Variants in STK33 observed in about 807,000 individuals in gnomAD.
STK33 encodes serine/threonine kinase 33.
In STK33, 52 loss-of-function variants were observed where a neutral mutation model predicts 58.0. The ratio of observed to expected loss-of-function variants is 0.90; its 90% confidence interval spans 0.72 to 1.13. STK33 has a LOEUF of 1.13. Ranked by LOEUF, STK33 falls within the 50% of genes most tolerant of loss-of-function variation. The pLI is 0.00. For synonymous variants in STK33, 215 were observed against 200.1 expected, an observed-to-expected ratio of 1.07 and a Z score of -0.63; for missense variants, 630 against 604.2, an observed-to-expected ratio of 1.04 and a Z score of -0.45.
chr11:8,516,552 T>C (rs1249435632), intron 1 of STK33, among the ~76,000 whole-genome samples: 1 of 152,150 alleles, frequency 6.6e-6, no homozygotes, highest in African/African-American at 2.4e-5. Context: ...ACCCGGGAAG[T>C]GCAAGGGGCG....
chr11:8,408,543 G>A (rs1215742496), intron 15 of STK33, among the ~76,000 whole-genome samples: 2 of 152,128 alleles, frequency 1.3e-5, no homozygotes, highest in Non-Finnish European at 2.9e-5. Flanking sequence ...CCAGCAACTC[G>A]CATTGCAAGC....
intron 1 of STK33, among the ~76,000 whole-genome samples, chr11:8,487,438 A>G (rs1033662468): frequency 1.3e-5 from 2 of 151,618 alleles, no homozygotes; most frequent in African/African-American, 4.8e-5. Context: ...AAAAAAAAAA[A>G]AAAAGAGAGA....
Position 8,500,294 on chromosome 11 carries a change from T to C in STK33, c.-465-19680A>G, listed in dbSNP as rs192344443. On this transcript the variant is annotated intron_variant, in intron 1 of 15. Transcript: ENST00000687296. ...ATTTGCAAAGTGACATGATCCTGTA[T>C]GGAAAAAATCCTAAGGAATACATAC... 2.5e-3 allele frequency among the ~76,000 whole-genome samples: 383 copies of C among 151,822 alleles called. 1 individual carries two copies. Among genetic ancestry groups the C allele is most frequent in the Non-Finnish European group, 2.6e-3 (174 of 67,936 alleles).
chr11:8,500,606 A>T (rs1236409746), intron 1 of STK33, among the ~76,000 whole-genome samples: 1 of 152,142 alleles, frequency 6.6e-6, no homozygotes, highest in Non-Finnish European at 1.5e-5. Context: ...AAGAATCAAT[A>T]CTCCCCAAAC....
intron 6 of STK33, among the ~76,000 whole-genome samples, chr11:8,468,054 C>G (rs979344914): frequency 1.4e-4 from 22 of 152,106 alleles, no homozygotes; most frequent in Non-Finnish European, 2.5e-4. Flanking sequence ...AAAGACATAC[C>G]CGAGACTGGG....
intron 1 of STK33, among the ~76,000 whole-genome samples, chr11:8,570,166 A>C (rs1957710436): frequency 6.6e-6 from 1 of 152,174 alleles, no homozygotes; most frequent in African/African-American, 2.4e-5. Context: ...TAAAATTTTC[A>C]AAAAATTATT....
chr11:8,489,257 C>CAAAAAAAAAAAAAAAA (rs377017514), intron 1 of STK33, among the ~76,000 whole-genome samples: 1 of 64,324 alleles, frequency 1.6e-5, no homozygotes, highest in Non-Finnish European at 2.9e-5. Flanking sequence ...AAGCTATCTC[C>CAAAAAAAAAAAAAAAA]AAAAAAAAAA....
chr11:8,346,661 CTT>C, the STK33 span, among the ~76,000 whole-genome samples: 1 of 152,218 alleles, frequency 6.6e-6, no homozygotes, highest in African/African-American at 2.4e-5. Flanking sequence ...GCCCTGGTCT[CTT>C]TATTTCTAAG....
At chr11:8,515,478 T>C (rs1445157963) in intron 1 of STK33, among the ~76,000 whole-genome samples, 1 of 152,212 alleles carries the variant, frequency 6.6e-6, no homozygotes, top group African/African-American at 2.4e-5. Flanking sequence ...TCCAAATTCA[T>C]TTTATAAGAG....
At chr11:8,385,692 T>C in the STK33 span, among the ~76,000 whole-genome samples, 2 of 152,234 alleles carry the variant, frequency 1.3e-5, no homozygotes, top group Non-Finnish European at 2.9e-5. Flanking sequence ...CACATTGTTT[T>C]ATATCCAGCG....
chr11:8,347,479 C>T, the STK33 span, among the ~76,000 whole-genome samples: 1 of 152,360 alleles, frequency 6.6e-6, no homozygotes, highest in African/African-American at 2.4e-5. Flanking sequence ...CATCACAAGT[C>T]AGTGGTGGGC....
intron 15 of STK33, among the ~76,000 whole-genome samples, chr11:8,392,928 T>C (rs986910036): frequency 3.3e-5 from 5 of 152,234 alleles, no homozygotes; most frequent in Non-Finnish European, 5.9e-5. Context: ...TGGAGCAAAC[T>C]CTACAGGCTC....
intron 1 of STK33, among the ~76,000 whole-genome samples, chr11:8,585,793 ACCTGTAATC>A (rs2031477182): frequency 6.6e-6 from 1 of 151,430 alleles, no homozygotes; most frequent in Non-Finnish European, 1.5e-5. Context: ...AGTGGCTCAC[ACCTGTAATC>A]CCAGCACTTT....
the STK33 span, among the ~76,000 whole-genome samples, chr11:8,336,923 C>A: frequency 6.6e-6 from 1 of 152,260 alleles, no homozygotes; most frequent in Non-Finnish European, 1.5e-5. Flanking sequence ...GGATCTCCTG[C>A]ACCACCGTGG....
At chr11:8,465,630 A>G (rs1471868604) in intron 6 of STK33, 1 of 152,228 alleles carries the variant, frequency 6.6e-6, no homozygotes, top group Non-Finnish European at 1.5e-5. Context: ...TTCTGGACCC[A>G]TCGTGCATAG....
intron 12 of STK33, among the ~76,000 whole-genome samples, chr11:8,439,765 C>A (rs1944486432): frequency 6.6e-6 from 1 of 150,698 alleles, no homozygotes; most frequent in African/African-American, 2.4e-5. Flanking sequence ...TCATGAAAGA[C>A]CTGCTCTGCT....
At chr11:8,386,079 G>C in the STK33 span, among the ~76,000 whole-genome samples, 6 of 152,182 alleles carry the variant, frequency 3.9e-5, no homozygotes, top group Non-Finnish European at 8.8e-5. Context: ...GGCCAATCCA[G>C]TTCTTAATGA....
intron 1 of STK33, among the ~76,000 whole-genome samples, chr11:8,485,699 T>G (rs1200799835): frequency 6.6e-6 from 1 of 152,202 alleles, no homozygotes; most frequent in Non-Finnish European, 1.5e-5. Context: ...AATAAATAAG[T>G]TGACTCAGTC....
At chr11:8,433,884 T>C (rs1943711761) in intron 14 of STK33, 1 of 152,356 alleles carries the variant, frequency 6.6e-6, no homozygotes, top group Admixed American at 6.6e-5. Context: ...TCTAATTCCC[T>C]ATTTCCAAGC....
Sources: allele counts gnomAD v4.1 joint callset (sites outside exome capture counted in the v4.1 genomes callset), GRCh38; gene constraint gnomAD v4.1.1; transcripts MANE v1.5; gene names NCBI Gene and HGNC (gene_info 2026-07-23, HGNC 2026-07-21).